The following CLYBL variants were observed in gnomAD, a reference collection of about 807,000 sequenced individuals.
The protein encoded by CLYBL is citramalyl-CoA lyase.
A neutral mutation model predicts 38.9 loss-of-function variants in CLYBL; 31 were observed. The ratio of observed to expected loss-of-function variants is 0.80; its 90% CI spans 0.60 to 1.08. The LOEUF (loss-of-function observed/expected upper bound fraction) is 1.08. Ranked by LOEUF, CLYBL falls within the 50% of genes least tolerant of loss-of-function variation. The pLI is 0.00. For missense variants in CLYBL, 434 were observed against 411.6 expected (o/e 1.05, Z -0.47); for synonymous variants, 171 against 158.6 (o/e 1.08, Z -0.59).
intron 1 of CLYBL, among the ~76,000 whole-genome samples, chr13:99,715,509 C>A (rs2048299079): frequency 6.6e-6 from 1 of 150,522 alleles, no homozygotes; most frequent in Admixed American, 6.6e-5. Flanking sequence ...CTCAGGTGAT[C>A]CTCCTGCCTT....
intron 1 of CLYBL, among the ~76,000 whole-genome samples, chr13:99,731,533 C>G (rs2048590831): frequency 6.7e-6 from 1 of 150,352 alleles, no homozygotes; most frequent in Non-Finnish European, 1.5e-5. Flanking sequence ...AAGAATGCCT[C>G]AAAGCATTGA....
chr13:99,814,611 C>G (rs558295890), intron 2 of CLYBL, among the ~76,000 whole-genome samples: 1 of 151,610 alleles, frequency 6.6e-6, no homozygotes, highest in Non-Finnish European at 1.5e-5. Flanking sequence ...ACCTGTGGCC[C>G]CAGCCACTTG....
At chr13:99,855,999 T>C (rs971984046) in intron 2 of CLYBL, among the ~76,000 whole-genome samples, 3 of 152,218 alleles carry the variant, frequency 2.0e-5, no homozygotes, top group African/African-American at 7.2e-5. Context: ...GAGCTTGGTT[T>C]CCATTCTGAG....
At chr13:99,688,141 AATTT>A (rs2047845083) in intron 1 of CLYBL, among the ~76,000 whole-genome samples, 1 of 152,136 alleles carries the variant, frequency 6.6e-6, no homozygotes, top group Admixed American at 6.5e-5. Context: ...TCCCAGGAAA[AATTT>A]TTATTAGTAG....
chr13:99,878,635 G>A (rs142830419), intron 7 of CLYBL, among the ~76,000 whole-genome samples: 108 of 152,298 alleles, frequency 7.1e-4, no homozygotes, highest in African/African-American at 2.4e-3. Context: ...TTTATGGTAT[G>A]CAAATCGTAC....
chr13:99,670,574 T>C (rs2047551257), intron 1 of CLYBL, among the ~76,000 whole-genome samples: 2 of 152,192 alleles, frequency 1.3e-5, no homozygotes, highest in African/African-American at 4.8e-5. Flanking sequence ...CTTTCAACTA[T>C]CCAAATGAAA....
chr13:99,905,489 G>C (rs999307569), intron 9 of CLYBL, among the ~76,000 whole-genome samples: 1 of 152,032 alleles, frequency 6.6e-6, no homozygotes, highest in African/African-American at 2.4e-5. Context: ...CCCTGTTCTA[G>C]GAAGTGAAAG....
At chr13:99,854,032 G>T (rs377035386) in intron 2 of CLYBL, among the ~76,000 whole-genome samples, 1 of 152,148 alleles carries the variant, frequency 6.6e-6, no homozygotes, top group East Asian at 1.9e-4. Flanking sequence ...TTTTGAATAC[G>T]TGGCATGGCA....
downstream of CLYBL, among the ~76,000 whole-genome samples, chr13:99,901,563 G>A (rs9585256): frequency 0.16 from 23,746 of 151,926 alleles, 2,177 homozygotes; most frequent in African/African-American, 0.25. Flanking sequence ...AGAAATGTCA[G>A]TGAGGCTGCT....
intron 2 of CLYBL, among the ~76,000 whole-genome samples, chr13:99,853,764 A>T (rs2051389166): frequency 6.6e-6 from 1 of 152,192 alleles, no homozygotes; most frequent in Non-Finnish European, 1.5e-5. Flanking sequence ...GTCCTAAGCA[A>T]TGCTGTTTTT....
chr13:99,819,144 G>A (rs1184235678), intron 2 of CLYBL, among the ~76,000 whole-genome samples: 1 of 151,848 alleles, frequency 6.6e-6, no homozygotes, highest in East Asian at 1.9e-4. Context: ...CCAGGAGTTT[G>A]AAACCAGCCT....
At chr13:99,704,482 G>A (rs1432451255) in intron 1 of CLYBL, among the ~76,000 whole-genome samples, 1 of 152,136 alleles carries the variant, frequency 6.6e-6, no homozygotes, top group Non-Finnish European at 1.5e-5. Flanking sequence ...AAACTAATTT[G>A]GATGCTAATT....
intron 2 of CLYBL, among the ~76,000 whole-genome samples, chr13:99,822,675 G>A (rs1192832081): frequency 6.6e-6 from 1 of 152,210 alleles, no homozygotes. Flanking sequence ...TGCTCAGAGA[G>A]TGATCACAGC....
downstream of CLYBL, among the ~76,000 whole-genome samples, chr13:99,899,222 C>T (rs2052615673): frequency 6.6e-6 from 1 of 152,236 alleles, no homozygotes; most frequent in Non-Finnish European, 1.5e-5. Flanking sequence ...AGCTCCCCAC[C>T]CCGCTGCCTT....
At chr13:99,761,547 C>T (rs1047049145) in intron 1 of CLYBL, among the ~76,000 whole-genome samples, 2 of 152,146 alleles carry the variant, frequency 1.3e-5, no homozygotes, top group East Asian at 1.9e-4. Context: ...CACACATTCA[C>T]GTAACAGTTT....
At chr13:99,721,431 C>G (rs1372950930) in intron 1 of CLYBL, among the ~76,000 whole-genome samples, 1 of 151,160 alleles carries the variant, frequency 6.6e-6, no homozygotes, top group African/African-American at 2.4e-5. Flanking sequence ...CTGTTTGGTT[C>G]TCTTTCAAAT....
At chr13:99,664,852 A>G (rs1399571028) in intron 1 of CLYBL, among the ~76,000 whole-genome samples, 1 of 152,152 alleles carries the variant, frequency 6.6e-6, no homozygotes, top group African/African-American at 2.4e-5. Context: ...TTAGTACACA[A>G]TTAGGTGAAT....
rs578031703 is a variant in CLYBL, at chr13:99,810,921, C to T, written c.249+37911C>T. ...CCATTCCAGTTTTCTAAGCAAAATTCCGTTCTCTTCTCCTTCCTAAGAAAG... is the reference window on the plus strand; with the variant it reads ...CCATTCCAGTTTTCTAAGCAAAATTTCGTTCTCTTCTCCTTCCTAAGAAAG... On this transcript the variant is annotated intron_variant, in intron 2 of 8. Transcript: ENST00000339105. Among the ~76,000 whole-genome samples the T allele has an allele frequency of 5.9e-5, 9 of 152,260 alleles. No homozygotes were observed. In the South Asian group the frequency reaches 1.9e-3, roughly 32 times the overall value.
intron 1 of CLYBL, among the ~76,000 whole-genome samples, chr13:99,633,449 C>T (rs901154333): frequency 4.7e-5 from 7 of 150,072 alleles, no homozygotes; most frequent in African/African-American, 1.7e-4. Flanking sequence ...GCACAAAAAT[C>T]GCTTGAGCCT....
Sources: allele counts gnomAD v4.1 joint callset (sites outside exome capture counted in the v4.1 genomes callset), GRCh38; gene constraint gnomAD v4.1.1; transcripts MANE v1.5; gene names NCBI Gene and HGNC (gene_info 2026-07-23, HGNC 2026-07-21).